COL4A4: variants seen among roughly 807,000 people sequenced by gnomAD.
The protein encoded by COL4A4 is collagen alpha-4(IV) chain.
In COL4A4, 105 loss-of-function variants were observed where a neutral mutation model predicts 192.9. The observed-to-expected ratio is 0.54, with a 90% CI of 0.46 to 0.64. COL4A4 has a LOEUF of 0.64. COL4A4 is among the 30% of genes least tolerant of loss of function. The pLI is 0.00. For missense variants in COL4A4, 1,967 were observed against 2,169.3 expected (o/e 0.91, Z 1.85); for synonymous variants, 762 against 769.9 (o/e 0.99, Z 0.17).
Position 227,077,919 on chromosome 2 carries a change from G to A in COL4A4, c.1962C>T (p.Gly654=), listed in dbSNP as rs376448360. ...CTTTCTGACCCTTCAAGCCATCAGG[G>A]CCCCTCACACCTGGGTGGCCTGGAA... The part of the protein sequence containing the change: ...PGVPGHPGVR[G]PDGLKGQKGD... Residue 654 remains glycine, a synonymous_variant, in exon 25 of 48, where the codon GGC becomes GGT. Transcript: ENST00000396625. The A allele has an allele frequency of 1.4e-4, 225 of 1,613,132 alleles. No homozygotes were observed. The highest frequency in any genetic ancestry group is 1.9e-4 in the Non-Finnish European group (221 of 1,179,986).
At chr2:227,094,444 GAC>G (rs1181932735) in intron 19 of COL4A4, among the ~76,000 whole-genome samples, 155 bp from the exon 20 acceptor site, 1 of 152,154 alleles carries the variant, frequency 6.6e-6, no homozygotes, top group African/African-American at 2.4e-5. Flanking sequence ...AAATAAGCCA[GAC>G]ACAGAAAGAA....
chr2:226,995,864 A>G, the COL4A4 span: 2 of 245,216 alleles, frequency 8.2e-6, no homozygotes, highest in African/African-American at 4.5e-5. Flanking sequence ...TTTTACTTAC[A>G]CCAGTCGGGA....
At chr2:227,021,352 C>A (rs1965974260) in intron 44 of COL4A4, among the ~76,000 whole-genome samples, 1 of 152,158 alleles carries the variant, frequency 6.6e-6, no homozygotes, top group East Asian at 1.9e-4. Context: ...CTACTTCCTT[C>A]TTGCAGGCTC....
At chr2:226,973,835 C>T in the COL4A4 span, among the ~76,000 whole-genome samples, 2 of 152,152 alleles carry the variant, frequency 1.3e-5, no homozygotes, top group African/African-American at 2.4e-5. Flanking sequence ...AGAACAACTC[C>T]GGAGCCCATG....
downstream of COL4A4, among the ~76,000 whole-genome samples, chr2:227,000,367 A>T (rs1960623544): frequency 6.6e-6 from 1 of 152,240 alleles, no homozygotes; most frequent in Non-Finnish European, 1.5e-5. Context: ...ATTTTACACC[A>T]TTTATTGCAT....
the COL4A4 span, among the ~76,000 whole-genome samples, chr2:226,983,573 T>G: frequency 2.6e-5 from 4 of 152,324 alleles, no homozygotes; most frequent in Non-Finnish European, 5.9e-5. Context: ...CAGCAGAAGT[T>G]GCCAACTTTT....
Position 227,003,039 on chromosome 2 carries a change from G to A in COL4A4, c.*4286C>T, listed in dbSNP as rs1961358030. On this transcript the variant is annotated 3_prime_UTR_variant, in exon 48 of 48. Coordinates refer to ENST00000396625, the MANE Select transcript of COL4A4 (RefSeq NM_000092.5). ...CAATTGCAGAGTACTGATTTTTAATGTCAATTGTTTGTTCCCTGCAGAACT... is the reference window on the plus strand; with the variant it reads ...CAATTGCAGAGTACTGATTTTTAATATCAATTGTTTGTTCCCTGCAGAACT... The A allele has an allele frequency of 6.6e-6, 1 of 152,550 alleles. No individual in the cohort carries two copies. The highest frequency in any genetic ancestry group is 1.5e-5 in the Non-Finnish European group (1 of 68,030). 9.4% of individuals were successfully genotyped at this position (152,550 alleles called of 1,614,324 possible).
chr2:227,153,763 G>A (rs2064127131), intron 1 of COL4A4, among the ~76,000 whole-genome samples: 1 of 152,146 alleles, frequency 6.6e-6, no homozygotes, highest in Non-Finnish European at 1.5e-5. Context: ...ACTGAATATA[G>A]AGAAAATGGA....
chr2:227,093,789 C>T (rs34259939), intron 20 of COL4A4, among the ~76,000 whole-genome samples: 21,290 of 152,062 alleles, frequency 0.14, 1,914 homozygotes, highest in African/African-American at 0.26. Context: ...CTCGACAAAT[C>T]GGCTCTCCCT....
At chr2:226,991,374 G>C in the COL4A4 span, among the ~76,000 whole-genome samples, 2 of 152,136 alleles carry the variant, frequency 1.3e-5, no homozygotes, top group Admixed American at 1.3e-4. Context: ...TAGAGTCGGG[G>C]TTTCACCACG....
At position 227,012,279 on chromosome 2, in the gene COL4A4, C is replaced by T. The variant is rs201996712; in HGVS notation, c.4235G>A (p.Gly1412Glu). 9 of 1,614,008 alleles carry T rather than the reference C, an allele frequency of 5.6e-6. No homozygotes were observed. In the African/African-American group the frequency reaches 1.2e-4, roughly 22 times the overall value. ...ATCCACACCCCTCCTGCCATCCAGC[C>T]CAGGCTCTCCTTTGCACCCTGCACA... ...PSGPGCKGEPGLDGRRGVDGV... is the reference protein window; with the variant it reads ...PSGPGCKGEPELDGRRGVDGV... The change falls in exon 45 of 48, where the codon GGG becomes GAG. Residue 1412 changes from glycine (G) to glutamate (E), a missense_variant. Coordinates refer to ENST00000396625, the MANE Select transcript of COL4A4 (RefSeq NM_000092.5).
the COL4A4 span, among the ~76,000 whole-genome samples, chr2:226,978,724 T>C: frequency 6.6e-6 from 1 of 152,144 alleles, no homozygotes; most frequent in Non-Finnish European, 1.5e-5. Flanking sequence ...TGGCATCATG[T>C]GCTGTGAAGG....
chr2:227,113,190 G>C (rs535974610), intron 8 of COL4A4, among the ~76,000 whole-genome samples: 1 of 152,234 alleles, frequency 6.6e-6, no homozygotes, highest in Non-Finnish European at 1.5e-5. Flanking sequence ...AATGCATAAG[G>C]CTCCAACTCT....
At chr2:227,045,002 A>G (rs1972147377) in intron 35 of COL4A4, among the ~76,000 whole-genome samples, 2 of 152,142 alleles carry the variant, frequency 1.3e-5, no homozygotes, top group South Asian at 2.1e-4. Context: ...GTGTAAAATC[A>G]CTCAGGTTTA....
rs532592167 is a variant in COL4A4, at chr2:227,065,398, G to A, written c.1988-2800C>T. ...CACCACAGCTCAAGGAGGCCTGCCT[G>A]CCTCTGTAGGCTCCACCTCTGGGGG... On this transcript the variant is annotated intron_variant, in intron 25 of 47. Coordinates refer to ENST00000396625, the MANE Select transcript of COL4A4 (RefSeq NM_000092.5). 2.1e-3 allele frequency among the ~76,000 whole-genome samples: 324 copies of A among 152,382 alleles called. 3 individuals are homozygous for A. The highest frequency in any genetic ancestry group is 7.1e-3 in the African/African-American group (296 of 41,596).
intron 29 of COL4A4, among the ~76,000 whole-genome samples, chr2:227,057,051 A>T (rs1975553637): frequency 6.6e-6 from 1 of 152,198 alleles, no homozygotes; most frequent in Admixed American, 6.5e-5. Context: ...GTATGCCAAG[A>T]ATGCAAGATC....
chr2:227,147,785 A>T (rs1164831506), intron 1 of COL4A4, among the ~76,000 whole-genome samples: 1 of 150,458 alleles, frequency 6.6e-6, no homozygotes, highest in Non-Finnish European at 1.5e-5. Context: ...TCATGAATAT[A>T]TTTTTGATAA....
intron 21 of COL4A4, 75 bp downstream of exon 21, chr2:227,089,793 T>C: frequency 8.4e-7 from 1 of 1,192,270 alleles, no homozygotes; most frequent in Non-Finnish European, 1.2e-6. Context: ...AATGCCACAT[T>C]ACACATCTCA....
the COL4A4 span, among the ~76,000 whole-genome samples, chr2:226,978,262 T>A: frequency 6.6e-6 from 1 of 152,240 alleles, no homozygotes; most frequent in Non-Finnish European, 1.5e-5. Flanking sequence ...CAATTTGTAC[T>A]CTTTTTTCTC....
Sources: allele counts gnomAD v4.1 joint callset (sites outside exome capture counted in the v4.1 genomes callset), GRCh38; gene constraint gnomAD v4.1.1; transcripts MANE v1.5; gene names NCBI Gene and HGNC (gene_info 2026-07-23, HGNC 2026-07-21).